The following SUMF1 variants were observed in gnomAD, a reference collection of about 807,000 sequenced individuals.
SUMF1 encodes formylglycine-generating enzyme.
A neutral mutation model predicts 47.6 loss-of-function variants in SUMF1; 48 were observed. The observed-to-expected ratio is 1.01, with a 90% CI of 0.80 to 1.28. The LOEUF (loss-of-function observed/expected upper bound fraction) is 1.28. Ranked by LOEUF, SUMF1 falls within the 50% of genes most tolerant of loss-of-function variation. The pLI is 0.00. For missense variants in SUMF1, 571 were observed against 485.4 expected, an observed-to-expected ratio of 1.18 and a Z score of -1.66; for synonymous variants, 230 against 192.1, an observed-to-expected ratio of 1.20 and a Z score of -1.63.
chr3:4,316,067 AAGT>A, intron 8 of SUMF1: 1 of 521,410 alleles, frequency 1.9e-6, no homozygotes, highest in Non-Finnish European at 3.4e-6. Context: ...AAAAAAAAAA[AAGT>A]AACAGTTTTT....
At chr3:4,323,046 A>C (rs559805408) in intron 8 of SUMF1, among the ~76,000 whole-genome samples, 1 of 152,230 alleles carries the variant, frequency 6.6e-6, no homozygotes, top group African/African-American at 2.4e-5. Context: ...AATATTATTT[A>C]GCCATAAAAG....
rs2125133560 is a variant in SUMF1, at chr3:4,452,894, T to G, written c.426A>C (p.Ser142=). The G allele has an allele frequency of 1.2e-6, 2 of 1,614,208 alleles. No individual in the cohort carries two copies. Among genetic ancestry groups the G allele is most frequent in the South Asian group, 1.1e-5 (1 of 91,082 alleles). ...SNTEFEKFVN[S]TGYLTEAEKF... is the part of the protein sequence containing the mutation. ...CCATTACCTCTGTCAAATAGCCAGT[T>G]GAGTTCACAAACTTCTCAAATTCAG... The change falls in exon 2 of 9, where the codon TCA becomes TCC. Residue 142 remains serine (S), a synonymous_variant. Transcript: ENST00000272902.
chr3:4,376,848 T>C (rs1297579487), intron 7 of SUMF1, among the ~76,000 whole-genome samples: 4 of 152,160 alleles, frequency 2.6e-5, no homozygotes, highest in Admixed American at 2.0e-4. Context: ...CAGGCTGGAG[T>C]GCAGTGCTGT....
intron 9 of SUMF1, among the ~76,000 whole-genome samples, chr3:4,068,258 G>C (rs964368788): frequency 1.3e-5 from 2 of 150,798 alleles, no homozygotes; most frequent in East Asian, 3.9e-4. Flanking sequence ...AGCTTGCTCA[G>C]TGGAATGTGT....
At chr3:4,165,949 C>G (rs1171059091) in intron 8 of SUMF1, among the ~76,000 whole-genome samples, 2 of 151,556 alleles carry the variant, frequency 1.3e-5, no homozygotes, top group Non-Finnish European at 2.9e-5. Flanking sequence ...TAGCAGATCC[C>G]CCTCTTGCCC....
intron 8 of SUMF1, among the ~76,000 whole-genome samples, chr3:4,300,966 T>C (rs1428399254): frequency 6.6e-6 from 1 of 150,616 alleles, no homozygotes; most frequent in Non-Finnish European, 1.5e-5. Context: ...TCATTTAAGT[T>C]AAAACAAAAT....
intron 8 of SUMF1, among the ~76,000 whole-genome samples, chr3:4,193,150 G>A (rs1204217984): frequency 1.3e-5 from 2 of 152,058 alleles, no homozygotes; most frequent in African/African-American, 4.8e-5. Context: ...CAATCTGGAA[G>A]CTACTAGGCA....
At chr3:4,116,409 G>T (rs920661975) in intron 8 of SUMF1, among the ~76,000 whole-genome samples, 16 of 152,084 alleles carry the variant, frequency 1.1e-4, no homozygotes, top group African/African-American at 4.8e-5. Flanking sequence ...TTCCTGCAAA[G>T]TTTTCCCATA....
chr3:4,375,563 A>G (rs1700301737), intron 8 of SUMF1, among the ~76,000 whole-genome samples: 1 of 152,160 alleles, frequency 6.6e-6, no homozygotes, highest in South Asian at 2.1e-4. Flanking sequence ...TTAGTAACTT[A>G]ATTTGGAGCC....
At position 4,312,961 on chromosome 3, in the gene SUMF1, G is replaced by A. The variant is rs538895566; in HGVS notation, c.1014+63369C>T. 43 of 1,613,848 alleles carry A rather than the reference G, an allele frequency of 2.7e-5. No homozygotes were observed. Among genetic ancestry groups the A allele is most frequent in the Admixed American group, 2.0e-4 (12 of 59,986 alleles). ...TGATCCCACTCAAATAACCTTTCCC[G>A]GATGCATTTGTGTCAAAACTCCCTG... On this transcript the variant is annotated intron_variant and NMD_transcript_variant, in intron 8 of 12. Coordinates refer to the SUMF1 transcript ENST00000448413.
intron 8 of SUMF1, among the ~76,000 whole-genome samples, chr3:4,352,489 A>G (rs1407819428): frequency 6.6e-6 from 1 of 152,094 alleles, no homozygotes. Flanking sequence ...ACCTTCCTCA[A>G]TGGCTTTATA....
At chr3:4,101,675 T>G (rs558919972) in intron 8 of SUMF1, among the ~76,000 whole-genome samples, 3 of 152,196 alleles carry the variant, frequency 2.0e-5, no homozygotes, top group Non-Finnish European at 2.9e-5. Flanking sequence ...TGATAACTAT[T>G]TGAAGTGACA....
At position 4,389,346 on chromosome 3, in the gene SUMF1, T is replaced by C. The variant is rs566395032; in HGVS notation, c.955-12957A>G. ...TCATTCAAATTGTTTTTTTTTTTTT[T>C]CCCTATAGGTAAGGTGTCATTTTTT... On this transcript the variant is annotated intron_variant, in intron 7 of 8. Coordinates refer to ENST00000272902, the MANE Select transcript of SUMF1 (RefSeq NM_182760.4). Among the ~76,000 whole-genome samples, 272 of 147,436 alleles carry C rather than the reference T, an allele frequency of 1.8e-3. 2 individuals are homozygous for C. Among genetic ancestry groups the C allele is most frequent in the East Asian group, 7.7e-4 (4 of 5,184 alleles).
intron 8 of SUMF1, among the ~76,000 whole-genome samples, chr3:4,318,859 T>C (rs1698754824): frequency 6.6e-6 from 1 of 151,988 alleles, no homozygotes. Flanking sequence ...CGAGCTGAGA[T>C]TACACCACTG....
At chr3:4,175,632 C>T (rs569801058) in intron 8 of SUMF1, among the ~76,000 whole-genome samples, 1 of 152,264 alleles carries the variant, frequency 6.6e-6, no homozygotes, top group South Asian at 2.1e-4. Context: ...CAGTTTTCTT[C>T]TCCAAAGAAT....
chr3:4,120,577 T>TG (rs1187844146), intron 8 of SUMF1, among the ~76,000 whole-genome samples: 1 of 152,020 alleles, frequency 6.6e-6, no homozygotes, highest in African/African-American at 2.4e-5. Flanking sequence ...ATTACACCTA[T>TG]GGGAAATTCA....
At chr3:4,303,332 A>G (rs768277812) in intron 8 of SUMF1, 1 of 1,504,592 alleles carries the variant, frequency 6.6e-7, no homozygotes, top group African/African-American at 1.5e-5. Flanking sequence ...CGCGCGGCCC[A>G]GGACTGTCAG....
At chr3:4,161,873 A>C (rs898348722) in intron 8 of SUMF1, among the ~76,000 whole-genome samples, 1 of 151,896 alleles carries the variant, frequency 6.6e-6, no homozygotes. Flanking sequence ...AAGCAGAATG[A>C]GTCTCTTCTC....
intron 8 of SUMF1, among the ~76,000 whole-genome samples, chr3:4,160,682 A>T (rs368638862): frequency 6.6e-6 from 1 of 151,466 alleles, no homozygotes; most frequent in African/African-American, 2.4e-5. Flanking sequence ...CACTATTTCC[A>T]TCTCTTTGTT....
Sources: gnomAD v4.1 joint callset for allele counts (sites outside exome capture counted in the v4.1 genomes callset) on GRCh38, gnomAD v4.1.1 for gene constraint, MANE v1.5 for transcripts, NCBI Gene and HGNC (gene_info 2026-07-23, HGNC 2026-07-21) for gene names.